The following CRTAC1 variants were observed in gnomAD, a reference collection of about 807,000 sequenced individuals.
CRTAC1 encodes acidic secreted protein in cartilage.
Under a neutral mutation model 67.8 loss-of-function variants are expected in CRTAC1, and 37 were observed. The ratio of observed to expected loss-of-function variants is 0.55; its 90% CI spans 0.42 to 0.72. The LOEUF (loss-of-function observed/expected upper bound fraction) is 0.72, where lower values mean the gene tolerates loss of function less well. CRTAC1 is among the 30% of genes least tolerant of loss of function. CRTAC1 has a pLI of 0.00. For synonymous variants in CRTAC1, 348 were observed against 371.0 expected (o/e 0.94, Z 0.71); for missense variants, 780 against 931.6 (o/e 0.84, Z 2.12).
chr10:97,998,140 A>T (rs2136680629), intron 2 of CRTAC1, among the ~76,000 whole-genome samples: 1 of 152,180 alleles, frequency 6.6e-6, no homozygotes, highest in East Asian at 1.9e-4. Flanking sequence ...CAGCTAATTT[A>T]TCTTGTATTT....
chr10:97,916,761 A>G (rs1034406312), intron 5 of CRTAC1, among the ~76,000 whole-genome samples: 1 of 152,244 alleles, frequency 6.6e-6, no homozygotes, highest in South Asian at 2.1e-4. Flanking sequence ...TGTTGTGTAC[A>G]GCTCTGGCTT....
At chr10:98,013,265 A>G (rs143151434) in intron 1 of CRTAC1, among the ~76,000 whole-genome samples, 2 of 152,276 alleles carry the variant, frequency 1.3e-5, no homozygotes, top group African/African-American at 2.4e-5. Context: ...GGCATCTAAC[A>G]TGTCTTTTCG....
At chr10:98,008,839 C>CTTTG (rs1181226946) in intron 2 of CRTAC1, among the ~76,000 whole-genome samples, 7 of 152,186 alleles carry the variant, frequency 4.6e-5, no homozygotes, top group Non-Finnish European at 1.0e-4. Flanking sequence ...ATTCTCTGTC[C>CTTTG]TCTGTCAGTC....
chr10:97,889,144 A>T (rs1308094677), intron 11 of CRTAC1, among the ~76,000 whole-genome samples: 2 of 61,188 alleles, frequency 3.3e-5, no homozygotes, highest in Non-Finnish European at 6.6e-5. Context: ...GGGGAGGGGG[A>T]AGGGGGGAGG....
At chr10:97,964,436 T>G (rs576874379) in intron 2 of CRTAC1, among the ~76,000 whole-genome samples, 1 of 152,216 alleles carries the variant, frequency 6.6e-6, no homozygotes, top group Non-Finnish European at 1.5e-5. Context: ...CATCAGAGAA[T>G]GAATGAATGA....
At chr10:98,011,932 T>C (rs1842917561) in intron 1 of CRTAC1, among the ~76,000 whole-genome samples, 1 of 152,182 alleles carries the variant, frequency 6.6e-6, no homozygotes, top group African/African-American at 2.4e-5. Flanking sequence ...TATCCAGATC[T>C]AGAACAATAA....
intron 2 of CRTAC1, among the ~76,000 whole-genome samples, chr10:98,002,708 C>T (rs1446001179): frequency 6.8e-6 from 1 of 147,516 alleles, no homozygotes; most frequent in African/African-American, 2.5e-5. Flanking sequence ...TGAATTAATC[C>T]TGATGGTCAC....
intron 2 of CRTAC1, among the ~76,000 whole-genome samples, chr10:97,979,008 G>A (rs2136661040): frequency 6.6e-6 from 1 of 152,212 alleles, no homozygotes; most frequent in South Asian, 2.1e-4. Context: ...CTGTGACTGA[G>A]TGAGGAGATG....
At chr10:97,917,478 C>T (rs776079176) in intron 5 of CRTAC1, 22 bp downstream of exon 5, 14 of 1,479,846 alleles carry the variant, frequency 9.5e-6, no homozygotes, top group South Asian at 7.5e-5. Flanking sequence ...CAGCATACTA[C>T]CTCCCATGTC....
At chr10:97,977,053 G>T (rs1207189343) in intron 2 of CRTAC1, among the ~76,000 whole-genome samples, 1 of 152,198 alleles carries the variant, frequency 6.6e-6, no homozygotes, top group Non-Finnish European at 1.5e-5. Flanking sequence ...CAGGAAAAGT[G>T]GAAGTATTTG....
At chr10:97,903,143 G>A (rs2050564593) in intron 7 of CRTAC1, among the ~76,000 whole-genome samples, 1 of 150,556 alleles carries the variant, frequency 6.6e-6, no homozygotes, top group Non-Finnish European at 1.5e-5. Flanking sequence ...GAGCTCTGGG[G>A]AGGGGCCTTC....
intron 2 of CRTAC1, among the ~76,000 whole-genome samples, chr10:98,005,100 A>ATATTT: frequency 2.5e-4 from 12 of 48,882 alleles, no homozygotes; most frequent in African/African-American, 5.8e-4. Flanking sequence ...ATATATATAT[A>ATATTT]TTTTTTTTTT....
intron 4 of CRTAC1, among the ~76,000 whole-genome samples, chr10:97,922,793 T>C (rs3844064): frequency 0.67 from 101,639 of 152,124 alleles, 35,280 homozygotes; most frequent in East Asian, 0.83. Flanking sequence ...CCTTCACCCA[T>C]CTAGGAACCC....
chr10:97,989,892 GTTC>G (rs1175055290), intron 2 of CRTAC1, among the ~76,000 whole-genome samples: 7 of 152,196 alleles, frequency 4.6e-5, no homozygotes, highest in East Asian at 1.9e-4. Context: ...CTTGTGTACA[GTTC>G]TTCTCTCTGT....
intron 2 of CRTAC1, among the ~76,000 whole-genome samples, chr10:97,977,349 G>A (rs1333387598): frequency 2.0e-5 from 3 of 152,208 alleles, no homozygotes; most frequent in Admixed American, 6.5e-5. Flanking sequence ...TCTGGCACGT[G>A]AGCAAGAAAG....
At chr10:97,866,424 G>C (rs1166599513) in intron 14 of CRTAC1, 1 of 152,148 alleles carries the variant, frequency 6.6e-6, no homozygotes, top group Non-Finnish European at 1.5e-5. Flanking sequence ...GTAATATGGG[G>C]GTCTGGGAAA....
At chr10:97,940,800 T>C (rs1299800550) in intron 2 of CRTAC1, among the ~76,000 whole-genome samples, 1 of 152,224 alleles carries the variant, frequency 6.6e-6, no homozygotes, top group Non-Finnish European at 1.5e-5. Context: ...TGCCAGAGTG[T>C]GTGTGACAAC....
At chr10:98,027,640 A>G (rs1414853814) in intron 1 of CRTAC1, among the ~76,000 whole-genome samples, 1 of 152,210 alleles carries the variant, frequency 6.6e-6, no homozygotes, top group Non-Finnish European at 1.5e-5. Context: ...TTGTAGAGGC[A>G]GGGAAAGAAT....
intron 11 of CRTAC1, among the ~76,000 whole-genome samples, chr10:97,886,017 CA>C (rs2050278884): frequency 6.6e-6 from 1 of 152,160 alleles, no homozygotes; most frequent in Non-Finnish European, 1.5e-5. Context: ...CGGTAGTTGG[CA>C]AAATGTCTTG....
Sources: allele counts gnomAD v4.1 joint callset (sites outside exome capture counted in the v4.1 genomes callset), GRCh38; gene constraint gnomAD v4.1.1; transcripts MANE v1.5; gene names NCBI Gene and HGNC (gene_info 2026-07-23, HGNC 2026-07-21).